Variants in DNAAF9 observed in about 807,000 individuals in gnomAD.
The protein encoded by DNAAF9 is shulin.
In DNAAF9, 90 loss-of-function variants were observed where a neutral mutation model predicts 167.0. The ratio of observed to expected loss-of-function variants is 0.54; its 90% confidence interval spans 0.45 to 0.64. DNAAF9 has a LOEUF of 0.64. DNAAF9 is among the 30% of genes least tolerant of loss of function. The pLI, the probability that DNAAF9 is intolerant of heterozygous loss-of-function variation, is 0.00. For synonymous variants in DNAAF9, 491 were observed against 508.8 expected (o/e 0.96, Z 0.47); for missense variants, 1,315 against 1,442.2 (o/e 0.91, Z 1.43).
At chr20:3,401,268 C>G (rs1370144013) in intron 1 of DNAAF9, among the ~76,000 whole-genome samples, 1 of 151,948 alleles carries the variant, frequency 6.6e-6, no homozygotes, top group Admixed American at 6.6e-5. Context: ...TGCAGTGGCG[C>G]GATCTCAGCT....
chr20:3,255,369 A>T (rs1569942), intron 34 of DNAAF9, 85 bp from the exon 35 acceptor site: 1 of 778,746 alleles, frequency 1.3e-6, no homozygotes, highest in South Asian at 1.5e-5. Flanking sequence ...TCTATTACAC[A>T]ACTAAGATCT....
chr20:3,304,679 C>G, intron 20 of DNAAF9, 136 bp from the exon 21 acceptor site: 1 of 604,044 alleles, frequency 1.7e-6, no homozygotes, highest in Non-Finnish European at 2.9e-6. Flanking sequence ...GTATGCTGAG[C>G]CCTGTGCTCT....
At chr20:3,305,812 C>T (rs1020600980) in intron 20 of DNAAF9, among the ~76,000 whole-genome samples, 1 of 152,166 alleles carries the variant, frequency 6.6e-6, no homozygotes, top group African/African-American at 2.4e-5. Flanking sequence ...ACATGCCAAC[C>T]TTACCATCTG....
At chr20:3,256,467 G>C (rs903938124) in intron 33 of DNAAF9, among the ~76,000 whole-genome samples, 9 of 152,142 alleles carry the variant, frequency 5.9e-5, no homozygotes, top group Admixed American at 2.0e-4. Context: ...AGCTGAGATT[G>C]CGCCACTGTA....
Position 3,381,723 on chromosome 20 carries a change from C to T in DNAAF9, c.164-225G>A, listed in dbSNP as rs78038250. Reference sequence around the variant, plus strand: ...TCTTGTAATTGAGATAATCAAACAGCACAGATTATGGAGCCTGTTAATTTC... The same window carrying T: ...TCTTGTAATTGAGATAATCAAACAGTACAGATTATGGAGCCTGTTAATTTC... On this transcript the variant is annotated intron_variant, in intron 2 of 36. Transcript: ENST00000252032. Among the ~76,000 whole-genome samples the T allele has an allele frequency of 1.8e-3, 275 of 152,272 alleles. 2 individuals are homozygous for T. Among genetic ancestry groups the T allele is most frequent in the Non-Finnish European group, 2.7e-3 (181 of 68,032 alleles).
At chr20:3,255,811 G>A (rs2068269666) in intron 34 of DNAAF9, among the ~76,000 whole-genome samples, 195 bp downstream of exon 34, 1 of 152,218 alleles carries the variant, frequency 6.6e-6, no homozygotes, top group African/African-American at 2.4e-5. Flanking sequence ...AAACAACATA[G>A]CAGGCCTGCC....
rs2083880746 is a variant in DNAAF9 at position 3,394,942 on chromosome 20, CTTTTTTCTTTTTTTTTTTT to C, written c.84-12455_84-12437del. 1.8e-4 allele frequency among the ~76,000 whole-genome samples: 16 copies of C among 89,054 alleles called. 1 individual carries two copies. Among genetic ancestry groups the C allele is most frequent in the African/African-American group, 3.5e-4 (9 of 25,714 alleles). 58.4% of individuals were successfully genotyped at this position (89,054 alleles called of 152,430 possible). A position where few individuals can be genotyped will look rare whatever the true frequency, so the allele number is the denominator to read the frequency against. On this transcript the variant is annotated intron_variant, in intron 1 of 36. Transcript: ENST00000252032. ...TTCCATGGCTTTTACTGAACATTTT[CTTTTTTCTTTTTTTTTTTT>C]TTTTTTTTTTTTTTTTTTTTTTTTG...
chr20:3,285,593 T>C (rs897066221), intron 27 of DNAAF9, among the ~76,000 whole-genome samples: 39 of 151,042 alleles, frequency 2.6e-4, no homozygotes, highest in Admixed American at 2.5e-3. Context: ...GCACGAGAAT[T>C]GCTTGAACCC....
intron 9 of DNAAF9, among the ~76,000 whole-genome samples, chr20:3,342,421 C>T (rs2070104848): frequency 6.6e-6 from 1 of 152,176 alleles, no homozygotes. Flanking sequence ...CTCCACTACC[C>T]TATAAACTTT....
At chr20:3,398,257 C>G (rs2083938170) in intron 1 of DNAAF9, among the ~76,000 whole-genome samples, 1 of 152,204 alleles carries the variant, frequency 6.6e-6, no homozygotes, top group African/African-American at 2.4e-5. Flanking sequence ...ACAGCATAGA[C>G]AGAGTTAACT....
At chr20:3,377,261 G>A (rs750965316) in intron 3 of DNAAF9, among the ~76,000 whole-genome samples, 3 of 152,140 alleles carry the variant, frequency 2.0e-5, no homozygotes, top group Non-Finnish European at 4.4e-5. Flanking sequence ...CCTGGATCAG[G>A]AAAAGACCTG....
chr20:3,339,122 T>C (rs2070028487), intron 10 of DNAAF9, among the ~76,000 whole-genome samples: 1 of 152,232 alleles, frequency 6.6e-6, no homozygotes, highest in African/African-American at 2.4e-5. Context: ...TGCTTTTGAA[T>C]CCTAGAATTT....
intron 1 of DNAAF9, among the ~76,000 whole-genome samples, chr20:3,393,021 T>C (rs973900430): frequency 2.0e-5 from 3 of 152,202 alleles, no homozygotes; most frequent in African/African-American, 7.2e-5. Flanking sequence ...CAATAAAATA[T>C]GTCACTGCTC....
In DNAAF9 at chr20:3,315,025, C is replaced by A; in HGVS notation, c.1678+8G>T. 6.4e-7 allele frequency: 1 copy of A among 1,563,252 alleles called. No homozygotes were observed. The highest frequency in any genetic ancestry group is 8.8e-7 in the Non-Finnish European group (1 of 1,133,986). The stretch of plus-strand genomic sequence containing the variant: ...ATGGCCAAAAACATTAAAGTCATAG[C>A]TCCTTACCTTCCTCAGGCCAGGACT... On this transcript the variant is annotated splice_region_variant and intron_variant, in intron 20 of 36. Coordinates refer to ENST00000252032, the MANE Select transcript of DNAAF9 (RefSeq NM_001009984.3). This position sits in a 1 kb window ranked among gnomAD's most constrained non-coding sequence, Gnocchi z 4.1.
Position 3,252,801 on chromosome 20 carries a change from A to C in DNAAF9, c.3422-117T>G, listed in dbSNP as rs181506581. 253 of 699,008 alleles carry C rather than the reference A, an allele frequency of 3.6e-4. 2 individuals are homozygous for C. Among genetic ancestry groups the C allele is most frequent in the African/African-American group, 3.3e-3 (190 of 56,788 alleles). The allele number at this position is 699,008 out of a possible 1,614,324, so 43.3% of individuals were successfully genotyped here. ...TGCTGAGGAAGTGAGTGTCTGGCCC[A>C]TAGAGAGGGAACCTGATGGACTCTT... is the stretch of plus-strand genomic sequence containing the variant. On this transcript the variant is annotated intron_variant, in intron 36 of 36. Coordinates refer to ENST00000252032, the MANE Select transcript of DNAAF9 (RefSeq NM_001009984.3).
At chr20:3,306,561 C>T (rs138498587) in intron 20 of DNAAF9, among the ~76,000 whole-genome samples, 43 of 152,272 alleles carry the variant, frequency 2.8e-4, no homozygotes, top group Non-Finnish European at 2.1e-4. Flanking sequence ...AGATTTCCCC[C>T]AAAATCACAG....
At chr20:3,373,956 T>C in intron 6 of DNAAF9, 92 bp downstream of exon 6, 1 of 765,218 alleles carries the variant, frequency 1.3e-6, no homozygotes, top group Non-Finnish European at 2.3e-6. Flanking sequence ...CTGCCAGCTT[T>C]TTGGTGTTAT....
rs1223597361 is a variant in DNAAF9, at chr20:3,250,677, CCT to C, written c.*1893_*1894del. On this transcript the variant is annotated 3_prime_UTR_variant, in exon 37 of 37. Transcript: ENST00000252032. ...CCGCTCTCACGGGCGGGCTCCGACC[CCT>C]CTTTAAAAACTCTTCTGCAGCAGCC... The C allele has an allele frequency of 1.3e-5, 2 of 152,170 alleles. No homozygotes were observed. The highest frequency in any genetic ancestry group is 2.4e-5 in the African/African-American group (1 of 41,442). The allele number at this position is 152,170 out of a possible 1,614,324, so 9.4% of individuals were successfully genotyped here.
rs923674544 is a variant in DNAAF9, at chr20:3,396,497, G to GT, written c.83+10977dup. Among the ~76,000 whole-genome samples, 91 of 152,322 alleles carry GT rather than the reference G, an allele frequency of 6.0e-4. 1 individual carries two copies. The highest frequency in any genetic ancestry group is 5.9e-3 in the Admixed American group (91 of 15,300). On this transcript the variant is annotated intron_variant, in intron 1 of 36. Coordinates refer to ENST00000252032, the MANE Select transcript of DNAAF9 (RefSeq NM_001009984.3). ...GAACTTAATTTTAAGGGAGGGAGGC[G>GT]TGAGAGAGGAGAGATAAACTAAATA...
Sources: allele counts gnomAD v4.1 joint callset (sites outside exome capture counted in the v4.1 genomes callset), GRCh38; gene constraint gnomAD v4.1.1; non-coding constraint Gnocchi (gnomAD v3.1); transcripts MANE v1.5; gene names NCBI Gene and HGNC (gene_info 2026-07-23, HGNC 2026-07-21).